The following MIB1 variants were observed in gnomAD, a reference collection of about 807,000 sequenced individuals.
The protein encoded by MIB1 is E3 ubiquitin-protein ligase MIB1.
Under a neutral mutation model 124.5 loss-of-function variants are expected in MIB1, and 278 were observed. The ratio of observed to expected loss-of-function variants is 2.23; its 90% CI spans 2.02 to 2.47. The LOEUF (loss-of-function observed/expected upper bound fraction) is 2.47. MIB1 is among the 30% of genes most tolerant of loss of function. The probability of loss-of-function intolerance (pLI) is 0.00; values close to 1 mark genes in which losing one functional copy is unlikely to be tolerated. For missense variants in MIB1, 957 were observed against 1,254.4 expected (o/e 0.76, Z 3.58); for synonymous variants, 446 against 429.4 (o/e 1.04, Z -0.48).
At chr18:21,710,856 G>A (rs1470732280) in intron 1 of MIB1, among the ~76,000 whole-genome samples, 1 of 142,002 alleles carries the variant, frequency 7.0e-6, no homozygotes, top group East Asian at 2.0e-4. Context: ...TTTTGAGATG[G>A]AGTCTCTGTC....
At chr18:21,729,228 C>T (rs2040756734) in intron 1 of MIB1, among the ~76,000 whole-genome samples, 2 of 152,196 alleles carry the variant, frequency 1.3e-5, no homozygotes, top group African/African-American at 4.8e-5. Context: ...GTACTTCCCT[C>T]AACAAATCTG....
chr18:21,759,657 C>G (rs889824672), intron 1 of MIB1, among the ~76,000 whole-genome samples: 7 of 152,104 alleles, frequency 4.6e-5, no homozygotes, highest in African/African-American at 1.7e-4. Context: ...TATATGTATC[C>G]ATTCTGTTGT....
chr18:21,787,866 G>A (rs2041454801), intron 6 of MIB1, among the ~76,000 whole-genome samples: 2 of 151,262 alleles, frequency 1.3e-5, no homozygotes, highest in African/African-American at 4.9e-5. Flanking sequence ...ATCCTTATCA[G>A]CGGTATAAAA....
intron 12 of MIB1, among the ~76,000 whole-genome samples, chr18:21,836,889 G>A (rs2042038408): frequency 6.6e-6 from 1 of 152,044 alleles, no homozygotes; most frequent in Admixed American, 6.5e-5. Context: ...TTTTCCCATT[G>A]AGAATCTCAA....
At chr18:21,854,130 G>T (rs757243107) in intron 18 of MIB1, among the ~76,000 whole-genome samples, 1 of 151,912 alleles carries the variant, frequency 6.6e-6, no homozygotes, top group Non-Finnish European at 1.5e-5. Flanking sequence ...CCAAAGAGTG[G>T]TATAATGGCT....
chr18:21,747,469 C>G (rs2040924217), intron 1 of MIB1, among the ~76,000 whole-genome samples: 1 of 152,206 alleles, frequency 6.6e-6, no homozygotes, highest in Non-Finnish European at 1.5e-5. Flanking sequence ...CAAGGACACA[C>G]TTTGAATAGC....
intron 1 of MIB1, among the ~76,000 whole-genome samples, chr18:21,717,869 A>G (rs2040696630): frequency 6.6e-6 from 1 of 152,370 alleles, no homozygotes; most frequent in East Asian, 1.9e-4. Context: ...TAGATCTACC[A>G]TTTGATCCAG....
intron 10 of MIB1, among the ~76,000 whole-genome samples, chr18:21,811,000 A>T (rs773472623): frequency 1.3e-5 from 2 of 152,168 alleles, no homozygotes; most frequent in Non-Finnish European, 2.9e-5. Flanking sequence ...AGATATTAAA[A>T]TCCAAAATAT....
chr18:21,706,905 G>C (rs549818347), intron 1 of MIB1, among the ~76,000 whole-genome samples: 6 of 152,344 alleles, frequency 3.9e-5, no homozygotes, highest in African/African-American at 1.4e-4. Flanking sequence ...AGGAGTGTGG[G>C]GCTGACGGGG....
intron 1 of MIB1, among the ~76,000 whole-genome samples, chr18:21,758,250 A>T (rs1354057061): frequency 6.6e-6 from 1 of 152,230 alleles, no homozygotes; most frequent in African/African-American, 2.4e-5. Flanking sequence ...AGAGAAAGGA[A>T]TGTGGACTTT....
chr18:21,749,641 CTTTTTTT>C (rs10653364), intron 1 of MIB1, among the ~76,000 whole-genome samples: 1 of 114,584 alleles, frequency 8.7e-6, no homozygotes, highest in African/African-American at 4.2e-5. Flanking sequence ...CTACCTTACT[CTTTTTTT>C]TTTTTTTTTG....
intron 12 of MIB1, chr18:21,831,115 A>AAC (rs947089360): frequency 6.6e-5 from 10 of 151,430 alleles, no homozygotes; most frequent in African/African-American, 2.4e-4. Flanking sequence ...CAAAAAAAAA[A>AAC]AAAAACAAAA....
chr18:21,708,510 G>C (rs1235493437), intron 1 of MIB1, among the ~76,000 whole-genome samples: 1 of 152,086 alleles, frequency 6.6e-6, no homozygotes, highest in Non-Finnish European at 1.5e-5. Flanking sequence ...AAGAAAATTA[G>C]CTGGGCATGG....
At chr18:21,821,818 G>C (rs375891222) in intron 12 of MIB1, among the ~76,000 whole-genome samples, 2 of 151,978 alleles carry the variant, frequency 1.3e-5, no homozygotes, top group Non-Finnish European at 2.9e-5. Flanking sequence ...AGCCAGGATG[G>C]TCTCGATCTC....
chr18:21,816,176 G>T (rs1174771162), intron 11 of MIB1, among the ~76,000 whole-genome samples: 4 of 152,080 alleles, frequency 2.6e-5, no homozygotes, highest in African/African-American at 9.7e-5. Flanking sequence ...TATTTTAATT[G>T]TAGCTTTTAT....
intron 15 of MIB1, among the ~76,000 whole-genome samples, chr18:21,846,131 C>A (rs574548435): frequency 2.6e-5 from 4 of 152,048 alleles, no homozygotes; most frequent in Non-Finnish European, 2.9e-5. Flanking sequence ...CTTGTTTTTT[C>A]GAAGTTATTT....
intron 14 of MIB1, among the ~76,000 whole-genome samples, 180 bp from the exon 15 acceptor site, chr18:21,843,912 C>T (rs992068327): frequency 3.3e-5 from 5 of 152,082 alleles, no homozygotes; most frequent in African/African-American, 4.8e-5. Flanking sequence ...AACCAGAACA[C>T]GTGACTCTTT....
intron 13 of MIB1, among the ~76,000 whole-genome samples, chr18:21,840,946 A>G (rs539067834): frequency 1.3e-5 from 2 of 152,298 alleles, no homozygotes; most frequent in African/African-American, 2.4e-5. Flanking sequence ...AAATTAATAA[A>G]TAACACTTCA....
At chr18:21,851,856 G>C (rs2042182847) in intron 17 of MIB1, among the ~76,000 whole-genome samples, 1 of 152,134 alleles carries the variant, frequency 6.6e-6, no homozygotes, top group South Asian at 2.1e-4. Flanking sequence ...AAAAGGTATG[G>C]CTACAGTTTT....
Sources: gnomAD v4.1 joint callset for allele counts (sites outside exome capture counted in the v4.1 genomes callset) on GRCh38, gnomAD v4.1.1 for gene constraint, MANE v1.5 for transcripts, NCBI Gene and HGNC (gene_info 2026-07-23, HGNC 2026-07-21) for gene names.